The following PKNOX2 variants were observed in gnomAD, a reference collection of about 807,000 sequenced individuals.
PKNOX2 encodes the protein PBX/knotted 1 homeobox 2.
A neutral mutation model predicts 53.1 loss-of-function variants in PKNOX2; 14 were observed. The observed-to-expected ratio is 0.26, with a 90% confidence interval of 0.17 to 0.41. The LOEUF is 0.41. PKNOX2 is among the 10% of genes least tolerant of loss of function. The pLI is 1.00. For missense variants in PKNOX2, 496 were observed against 602.8 expected (o/e 0.82, Z 1.85); for synonymous variants, 257 against 242.8 (o/e 1.06, Z -0.54).
chr11:125,241,816 C>G lies in PKNOX2; in HGVS notation c.-130+6701C>G, dbSNP rs578040802. On this transcript the variant is annotated intron_variant, in intron 2 of 12. Coordinates refer to ENST00000298282, the MANE Select transcript of PKNOX2 (RefSeq NM_001382323.2). ...GTTGCAGTGAGCTGAGATCATGCCA[C>G]TGCACTCCAGCCTGGGTGACAGAGC... Among the ~76,000 whole-genome samples, 5 of 152,262 alleles carry G rather than the reference C, an allele frequency of 3.3e-5. No homozygotes were observed. In the South Asian group the frequency reaches 1.0e-3, roughly 32 times the overall value.
chr11:125,302,398 C>T (rs907870695), intron 2 of PKNOX2, among the ~76,000 whole-genome samples: 2 of 152,196 alleles, frequency 1.3e-5, no homozygotes, highest in African/African-American at 4.8e-5. Context: ...ATCTGCTATG[C>T]ACACTCTCCT....
At chr11:125,304,084 G>T (rs2005404) in intron 2 of PKNOX2, among the ~76,000 whole-genome samples, 1 of 152,000 alleles carries the variant, frequency 6.6e-6, no homozygotes, top group Non-Finnish European at 1.5e-5. Flanking sequence ...TCTGATACCC[G>T]CAGGGAGCTT....
chr11:125,245,820 CTG>C (rs1943519617), intron 2 of PKNOX2, among the ~76,000 whole-genome samples: 1 of 152,184 alleles, frequency 6.6e-6, no homozygotes, highest in South Asian at 2.1e-4. Context: ...AGTGAGGAAA[CTG>C]AAATTCAGGC....
Position 125,397,864 on chromosome 11 carries a change from C to T in PKNOX2, c.400-10C>T, listed in dbSNP as rs1392184251. ...AAACACCTGGGCTCACCTCTCCTCC[C>T]TCTCCACAGATGGTGAAGGCAATCC... On this transcript the variant is annotated splice_polypyrimidine_tract_variant and intron_variant, in intron 6 of 12. Coordinates refer to ENST00000298282, the MANE Select transcript of PKNOX2 (RefSeq NM_001382323.2). 1.2e-6 allele frequency: 2 copies of T among 1,603,134 alleles called. No individual in the cohort carries two copies. Among genetic ancestry groups the T allele is most frequent in the Non-Finnish European group, 1.7e-6 (2 of 1,174,816 alleles).
Position 125,397,768 on chromosome 11 carries a change from G to A in PKNOX2, c.400-106G>A, listed in dbSNP as rs1012820489. The A allele has an allele frequency of 3.9e-5, 46 of 1,166,118 alleles. No homozygotes were observed. The Admixed American group carries it at 4.4e-4, about 11-fold the overall frequency. The allele number at this position is 1,166,118 out of a possible 1,614,324, so 72.2% of individuals were successfully genotyped here. A position where few individuals can be genotyped will look rare whatever the true frequency, so the allele number is the denominator to read the frequency against. ...ATCAAGTGTAGGAAGCATGAGCTAC[G>A]GCAGGGGGTGGGCTCCCCTCCCCTG... is the stretch of plus-strand genomic sequence containing the variant. On this transcript the variant is annotated intron_variant, in intron 6 of 12. Transcript: ENST00000298282.
At chr11:125,248,972 A>G (rs1337686039) in intron 2 of PKNOX2, among the ~76,000 whole-genome samples, 1 of 144,100 alleles carries the variant, frequency 6.9e-6, no homozygotes, top group Non-Finnish European at 1.5e-5. Context: ...ATACATATAT[A>G]CATATAATAT....
At chr11:125,415,890 C>T (rs886246890) in intron 10 of PKNOX2, among the ~76,000 whole-genome samples, 2 of 152,102 alleles carry the variant, frequency 1.3e-5, no homozygotes, top group African/African-American at 4.8e-5. Flanking sequence ...ATGGACATAC[C>T]GTATACATTC....
chr11:125,374,868 C>G (rs961727985), intron 5 of PKNOX2, among the ~76,000 whole-genome samples: 8 of 145,206 alleles, frequency 5.5e-5, no homozygotes, highest in African/African-American at 1.5e-4. Context: ...AAGGACTGCA[C>G]CGGGTCTGTC....
Position 125,348,097 on chromosome 11 carries a change from C to A in PKNOX2, c.-22-3187C>A, listed in dbSNP as rs570129913. On this transcript the variant is annotated intron_variant, in intron 3 of 12. Coordinates refer to ENST00000298282, the MANE Select transcript of PKNOX2 (RefSeq NM_001382323.2). ...AAATGCAAAAAGGGCAGGCTTCCCC[C>A]AAAGGGCCAGGACCCCCGCTGTGGC... is the stretch of plus-strand genomic sequence containing the variant. Among the ~76,000 whole-genome samples, 5 of 152,338 alleles carry A rather than the reference C, an allele frequency of 3.3e-5. No individual in the cohort carries two copies. In the East Asian group the frequency reaches 7.7e-4, roughly 24 times the overall value.
chr11:125,390,873 C>T (rs771822345), intron 6 of PKNOX2, among the ~76,000 whole-genome samples: 20 of 152,148 alleles, frequency 1.3e-4, no homozygotes, highest in Non-Finnish European at 2.4e-4. Context: ...GTTTTGTCCC[C>T]GAATCATCAG....
intron 1 of PKNOX2, among the ~76,000 whole-genome samples, chr11:125,226,470 G>A (rs1424206241): frequency 6.6e-6 from 1 of 152,126 alleles, no homozygotes; most frequent in African/African-American, 2.4e-5. Flanking sequence ...GAATAGATGA[G>A]GAAGTTGAGG....
At chr11:125,309,391 T>C (rs1217521217) in intron 2 of PKNOX2, among the ~76,000 whole-genome samples, 1 of 111,150 alleles carries the variant, frequency 9.0e-6, no homozygotes, top group African/African-American at 2.7e-5. Context: ...GTACCAATTT[T>C]TTTTTTTTTT....
At chr11:125,236,643 T>C (rs35054925) in intron 2 of PKNOX2, among the ~76,000 whole-genome samples, 26,500 of 152,088 alleles carry the variant, frequency 0.17, 2,475 homozygotes, top group African/African-American at 0.23. Context: ...GGCCTACAGA[T>C]GGGAAGCAGG....
At chr11:125,175,157 C>T (rs544880393) in intron 1 of PKNOX2, among the ~76,000 whole-genome samples, 2 of 151,948 alleles carry the variant, frequency 1.3e-5, no homozygotes, top group East Asian at 1.9e-4. Context: ...CCAAGCTGGA[C>T]GTCTGGTCTC....
chr11:125,225,463 G>T (rs1941605354), intron 1 of PKNOX2, among the ~76,000 whole-genome samples: 1 of 152,196 alleles, frequency 6.6e-6, no homozygotes, highest in African/African-American at 2.4e-5. Flanking sequence ...AATGTGAAAT[G>T]AGGAGGTCAA....
intron 1 of PKNOX2, among the ~76,000 whole-genome samples, chr11:125,195,716 T>A (rs1212343604): frequency 6.6e-6 from 1 of 152,152 alleles, no homozygotes; most frequent in East Asian, 1.9e-4. Flanking sequence ...GAGTTTGAGA[T>A]GCCAGGGAAA....
intron 1 of PKNOX2, among the ~76,000 whole-genome samples, chr11:125,178,562 G>A (rs1955865120): frequency 9.5e-6 from 1 of 105,298 alleles, no homozygotes; most frequent in African/African-American, 6.3e-5. Context: ...AGGAAGGAAG[G>A]AACGAAGGAA....
rs371530785 is a variant in PKNOX2 at position 125,397,838 on chromosome 11, C to T, written c.400-36C>T. 99 of 1,567,732 alleles carry T rather than the reference C, an allele frequency of 6.3e-5. No individual in the cohort carries two copies. In the South Asian group the frequency reaches 1.1e-3, roughly 18 times the overall value. ...TCCAGGCAGTGAGGGAAATGGGATG[C>T]AAACACCTGGGCTCACCTCTCCTCC... On this transcript the variant is annotated intron_variant, in intron 6 of 12. Coordinates refer to ENST00000298282, the MANE Select transcript of PKNOX2 (RefSeq NM_001382323.2).
At chr11:125,348,527 C>T (rs1951117292) in intron 3 of PKNOX2, among the ~76,000 whole-genome samples, 1 of 152,236 alleles carries the variant, frequency 6.6e-6, no homozygotes, top group African/African-American at 2.4e-5. Context: ...TCTTTCGACG[C>T]GGGTCTGGCC....
Sources: allele counts gnomAD v4.1 joint callset (sites outside exome capture counted in the v4.1 genomes callset), GRCh38; gene constraint gnomAD v4.1.1; transcripts MANE v1.5; gene names NCBI Gene and HGNC (gene_info 2026-07-23, HGNC 2026-07-21).